The following CPNE8 variants were observed in gnomAD, a reference collection of about 807,000 sequenced individuals.
The protein encoded by CPNE8 is copine 8.
CPNE8 carries 45 observed loss-of-function variants against 81.5 expected under a neutral mutation model. The observed-to-expected ratio is 0.55, with a 90% CI of 0.44 to 0.71. CPNE8 has a LOEUF of 0.71. Among genes scored for constraint, CPNE8 ranks in the 30% least tolerant of loss-of-function variants. CPNE8 has a pLI of 0.00. For missense variants in CPNE8, 594 were observed against 672.1 expected, an observed-to-expected ratio of 0.88 and a Z score of 1.28; for synonymous variants, 252 against 226.3, an observed-to-expected ratio of 1.11 and a Z score of -1.02.
chr12:38,886,516 C>A (rs1209006155), intron 1 of CPNE8, among the ~76,000 whole-genome samples: 2 of 152,148 alleles, frequency 1.3e-5, no homozygotes, highest in African/African-American at 4.8e-5. Flanking sequence ...CGAAAATATT[C>A]ATTCATGCTT....
intron 1 of CPNE8, among the ~76,000 whole-genome samples, chr12:38,904,009 T>C (rs905636990): frequency 1.3e-5 from 2 of 152,208 alleles, no homozygotes; most frequent in African/African-American, 4.8e-5. Context: ...ATAATACTTC[T>C]ACTACGGTTG....
intron 6 of CPNE8, among the ~76,000 whole-genome samples, chr12:38,781,664 T>C (rs995090758): frequency 1.3e-5 from 2 of 152,050 alleles, no homozygotes; most frequent in Admixed American, 6.6e-5. Context: ...TACAAAAAGA[T>C]AAATACACCA....
In CPNE8 at chr12:38,705,917, A is replaced by G. The variant is rs1191321854; in HGVS notation, c.915-2996T>C. 3.9e-5 allele frequency among the ~76,000 whole-genome samples: 6 copies of G among 152,250 alleles called. No homozygotes were observed. The South Asian group carries it at 1.2e-3, about 32-fold the overall frequency. On this transcript the variant is annotated intron_variant, in intron 13 of 19. Transcript: ENST00000331366. Reference sequence around the variant, plus strand: ...TTTTACACACATAATATATATATACATATATCATAAGATATTCACATTATA... The same window carrying G: ...TTTTACACACATAATATATATATACGTATATCATAAGATATTCACATTATA...
In CPNE8 at chr12:38,875,642, C is replaced by G. The variant is rs73274753; in HGVS notation, c.99-1131G>C. 1.4e-3 allele frequency among the ~76,000 whole-genome samples: 208 copies of G among 152,152 alleles called. 1 individual carries two copies. Among genetic ancestry groups the G allele is most frequent in the African/African-American group, 4.6e-3 (192 of 41,512 alleles). On this transcript the variant is annotated intron_variant, in intron 1 of 19. Coordinates refer to ENST00000331366, the MANE Select transcript of CPNE8 (RefSeq NM_153634.3). ...ATTTCAGGTTCTCAAAAGTGATTGC[C>G]GCCATTGAATCACTATACACTGAAA... is the stretch of plus-strand genomic sequence containing the variant.
chr12:38,786,345 G>T (rs2136917341), intron 6 of CPNE8, among the ~76,000 whole-genome samples: 1 of 152,272 alleles, frequency 6.6e-6, no homozygotes, highest in African/African-American at 2.4e-5. Context: ...GCTGAGAAAG[G>T]CAGACCCACC....
At chr12:38,782,513 C>A (rs1167174129) in intron 6 of CPNE8, among the ~76,000 whole-genome samples, 4 of 152,010 alleles carry the variant, frequency 2.6e-5, no homozygotes, top group Admixed American at 2.6e-4. Context: ...GGAAAGAGGG[C>A]ATAATTTTTC....
intron 13 of CPNE8, among the ~76,000 whole-genome samples, chr12:38,705,553 A>G (rs1417128516): frequency 6.6e-6 from 1 of 152,210 alleles, no homozygotes; most frequent in African/African-American, 2.4e-5. Flanking sequence ...ACTAACCAGC[A>G]TGAACCTAAG....
intron 18 of CPNE8, chr12:38,671,122 G>T (rs1447899048): frequency 1.5e-5 from 3 of 197,260 alleles, no homozygotes; most frequent in Non-Finnish European, 3.0e-5. Flanking sequence ...TCTAAACTTC[G>T]GGTTATATGG....
At chr12:38,832,367 G>A (rs535844278) in intron 5 of CPNE8, among the ~76,000 whole-genome samples, 11 of 152,258 alleles carry the variant, frequency 7.2e-5, no homozygotes, top group South Asian at 4.2e-4. Context: ...CTCCACCAGC[G>A]CAGGGCAATG....
intron 13 of CPNE8, among the ~76,000 whole-genome samples, chr12:38,719,282 A>G (rs1940490223): frequency 6.6e-6 from 1 of 152,172 alleles, no homozygotes; most frequent in Non-Finnish European, 1.5e-5. Context: ...TCTTTACCAT[A>G]TCATTAATAA....
intron 7 of CPNE8, among the ~76,000 whole-genome samples, chr12:38,768,875 G>C (rs1941744436): frequency 6.6e-6 from 1 of 152,084 alleles, no homozygotes; most frequent in South Asian, 2.1e-4. Context: ...AAGTAACTCA[G>C]ATTAAACAAA....
rs191722007 is a variant in CPNE8 at position 38,874,065 on chromosome 12, G to C, written c.139+406C>G. 2.4e-3 allele frequency among the ~76,000 whole-genome samples: 366 copies of C among 150,502 alleles called. 8 individuals carry two copies. The highest frequency in any genetic ancestry group is 5.8e-4 in the Non-Finnish European group (39 of 67,790). On this transcript the variant is annotated intron_variant, in intron 2 of 19. Coordinates refer to ENST00000331366, the MANE Select transcript of CPNE8 (RefSeq NM_153634.3). ...TAGTCCTGCTTCGGCCTCCCAAAGT[G>C]CTGGGATTATAGGCATGAACCACCT...
chr12:38,792,652 T>C (rs1229422320), intron 6 of CPNE8, among the ~76,000 whole-genome samples: 1 of 151,674 alleles, frequency 6.6e-6, no homozygotes, highest in Non-Finnish European at 1.5e-5. Flanking sequence ...GATCAAACAT[T>C]TAAAACAGAA....
intron 6 of CPNE8, among the ~76,000 whole-genome samples, chr12:38,788,242 T>C (rs1942241736): frequency 6.6e-6 from 1 of 151,732 alleles, no homozygotes; most frequent in Non-Finnish European, 1.5e-5. Context: ...AATTCAACAA[T>C]ACATTAAGAA....
At position 38,798,720 on chromosome 12, in the gene CPNE8, G is replaced by C. The variant is rs1265388559; in HGVS notation, c.408-22419C>G. Among the ~76,000 whole-genome samples, 2 of 151,968 alleles carry C rather than the reference G, an allele frequency of 1.3e-5. 1 individual carries two copies. The highest frequency in any genetic ancestry group is 2.9e-5 in the Non-Finnish European group (2 of 68,024). ...ACAATATTAACTTTAAATGAAAATG[G>C]ACTAAATGCTCCAATTGAAAGACAC... On this transcript the variant is annotated intron_variant, in intron 6 of 19. Transcript: ENST00000331366.
At chr12:38,797,050 G>A (rs1225479193) in intron 6 of CPNE8, among the ~76,000 whole-genome samples, 12 of 152,152 alleles carry the variant, frequency 7.9e-5, no homozygotes, top group African/African-American at 2.7e-4. Context: ...CGGGAAGCTC[G>A]AACTGGGTGG....
At chr12:38,874,332 T>C (rs1029025018) in intron 2 of CPNE8, 139 bp downstream of exon 2, 33 of 630,000 alleles carry the variant, frequency 5.2e-5, no homozygotes, top group Admixed American at 8.5e-5. Flanking sequence ...CTGCCCGGGG[T>C]TGATGAGTAT....
rs568757806 is a variant in CPNE8 at position 38,710,203 on chromosome 12, A to G, written c.915-7282T>C. ...GAACACCTTATCAAAAAGGTATGCAAAATTGCCAACCTCTTTTCTAACCAA... is the reference window on the plus strand; with the variant it reads ...GAACACCTTATCAAAAAGGTATGCAGAATTGCCAACCTCTTTTCTAACCAA... On this transcript the variant is annotated intron_variant, in intron 13 of 19. Coordinates refer to ENST00000331366, the MANE Select transcript of CPNE8 (RefSeq NM_153634.3). Among the ~76,000 whole-genome samples the G allele has an allele frequency of 3.3e-4, 48 of 143,620 alleles. No homozygotes were observed. The South Asian group carries it at 0.011, about 32-fold the overall frequency. 94.2% of individuals were successfully genotyped at this position (143,620 alleles called of 152,430 possible).
chr12:38,806,092 G>A (rs1204163820), intron 6 of CPNE8, among the ~76,000 whole-genome samples: 1 of 150,338 alleles, frequency 6.7e-6, no homozygotes, highest in African/African-American at 2.4e-5. Context: ...AACAGGCTCT[G>A]AAATTGTGGC....
Sources: allele counts gnomAD v4.1 joint callset (sites outside exome capture counted in the v4.1 genomes callset), GRCh38; gene constraint gnomAD v4.1.1; transcripts MANE v1.5; gene names NCBI Gene and HGNC (gene_info 2026-07-23, HGNC 2026-07-21).